The following PFKFB3 variants were observed in gnomAD, a reference collection of about 807,000 sequenced individuals.
PFKFB3 encodes 6-phosphofructo-2-kinase/fructose-2,6-bisphosphatase 3.
A neutral mutation model predicts 68.0 loss-of-function variants in PFKFB3; 33 were observed. The observed-to-expected ratio is 0.49, with a 90% CI of 0.37 to 0.65. The LOEUF (loss-of-function observed/expected upper bound fraction) is 0.65. Among genes scored for constraint, PFKFB3 ranks in the 30% least tolerant of loss-of-function variants. The pLI, the probability that PFKFB3 is intolerant of heterozygous loss-of-function variation, is 0.00. For missense variants in PFKFB3, 586 were observed against 712.2 expected (o/e 0.82, Z 2.02); for synonymous variants, 315 against 288.2 (o/e 1.09, Z -0.94).
Position 6,226,365 on chromosome 10 carries a change from A to G in PFKFB3, c.1515A>G (p.Gln505=). ...PPEVPTQLPG[Q]NMKGSRSSAD... ...AGGTGCCCACGCAGCTGCCTGGACA[A>G]GTCAGTGCACTCCCCTTTCCTTCCT... The change falls in exon 14 of 15, where the codon CAA becomes CAG. Residue 505 remains glutamine (Q), a splice_region_variant and synonymous_variant. Coordinates refer to ENST00000379775, the MANE Select transcript of PFKFB3 (RefSeq NM_004566.4). 6.2e-7 allele frequency: 1 copy of G among 1,609,248 alleles called. No individual in the cohort carries two copies. Among genetic ancestry groups the G allele is most frequent in the Non-Finnish European group, 8.5e-7 (1 of 1,178,216 alleles).
the PFKFB3 span, among the ~76,000 whole-genome samples, chr10:6,309,891 A>T: frequency 2.6e-5 from 4 of 152,252 alleles, no homozygotes; most frequent in South Asian, 2.1e-4. Flanking sequence ...AACATTTTTT[A>T]AAAATGTGTC....
At chr10:6,226,019 C>A (rs1564640221) in intron 13 of PFKFB3, among the ~76,000 whole-genome samples, 173 bp from the exon 14 acceptor site, 1 of 152,184 alleles carries the variant, frequency 6.6e-6, no homozygotes, top group Non-Finnish European at 1.5e-5. Flanking sequence ...TGCTGCCTGG[C>A]AGTCACCGCA....
chr10:6,290,091 A>G, the PFKFB3 span, among the ~76,000 whole-genome samples: 1 of 152,138 alleles, frequency 6.6e-6, no homozygotes, highest in African/African-American at 2.4e-5. Context: ...TTATCAGCTT[A>G]AGGAGATTTT....
the PFKFB3 span, among the ~76,000 whole-genome samples, chr10:6,312,241 AAC>A: frequency 6.6e-6 from 1 of 152,202 alleles, no homozygotes; most frequent in Non-Finnish European, 1.5e-5. Context: ...TTCGGTAAAG[AAC>A]ACAGAGGTAG....
the PFKFB3 span, among the ~76,000 whole-genome samples, chr10:6,291,734 G>A: frequency 1.3e-5 from 2 of 152,092 alleles, no homozygotes; most frequent in Admixed American, 6.5e-5. Flanking sequence ...ACTGCTCTGG[G>A]CTAGTGTACA....
At position 6,233,129 on chromosome 10, in the gene PFKFB3, A is replaced by G; in HGVS notation, c.*187A>G. The G allele has an allele frequency of 5.2e-6, 3 of 575,882 alleles. No homozygotes were observed. Among genetic ancestry groups the G allele is most frequent in the Admixed American group, 3.0e-5 (1 of 33,818 alleles). The allele number at this position is 575,882 out of a possible 1,614,324, so 35.7% of individuals were successfully genotyped here. On this transcript the variant is annotated 3_prime_UTR_variant, in exon 15 of 15. Coordinates refer to ENST00000379775, the MANE Select transcript of PFKFB3 (RefSeq NM_004566.4). ...TCCCCTCGGCCGCTGGACACCAGAA[A>G]GCCACGTGGGTCCCTGGCGCCCTGC...
intron 1 of PFKFB3, among the ~76,000 whole-genome samples, chr10:6,193,154 G>A (rs1843078363): frequency 6.6e-6 from 1 of 152,170 alleles, no homozygotes; most frequent in South Asian, 2.1e-4. Context: ...AGACCAGCCT[G>A]GGCAGCATAA....
intron 10 of PFKFB3, 44 bp downstream of exon 10, chr10:6,221,789 AC>A: frequency 7.5e-7 from 1 of 1,339,474 alleles, no homozygotes; most frequent in Non-Finnish European, 1.0e-6. Flanking sequence ...AGCACACATG[AC>A]CACTGCTGTG....
At chr10:6,227,658 C>T (rs996803864) in intron 14 of PFKFB3, among the ~76,000 whole-genome samples, 9 of 152,290 alleles carry the variant, frequency 5.9e-5, no homozygotes, top group East Asian at 3.9e-4. Context: ...CTGTGATTAG[C>T]GGAAGCCTGG....
Position 6,215,909 on chromosome 10 carries a change from T to G in PFKFB3, c.300-216T>G, listed in dbSNP as rs2148291. ...GAGTGGTTCCCGCGTGCAGCCCGGTTTGAGCACCGCCTCCCGAGGGTTCCT... is the reference window on the plus strand; with the variant it reads ...GAGTGGTTCCCGCGTGCAGCCCGGTGTGAGCACCGCCTCCCGAGGGTTCCT... On this transcript the variant is annotated intron_variant, in intron 3 of 14. Transcript: ENST00000379775. This position sits in a 1 kb window ranked among gnomAD's most constrained non-coding sequence, Gnocchi z 4.3. Among the ~76,000 whole-genome samples the G allele has an allele frequency of 0.88, 133,844 of 152,044 alleles. 60,991 individuals are homozygous for G. Among genetic ancestry groups the G allele is most frequent in the East Asian group, 1 (5,152 of 5,154 alleles).
At chr10:6,207,614 A>AG (rs1169339839) in intron 1 of PFKFB3, among the ~76,000 whole-genome samples, 5 of 152,216 alleles carry the variant, frequency 3.3e-5, no homozygotes, top group African/African-American at 4.8e-5. Flanking sequence ...ATTGCTGAAG[A>AG]GGGTGTCTAG....
At chr10:6,241,127 G>A (rs1358847249) in intron 14 of PFKFB3, among the ~76,000 whole-genome samples, 5 of 151,872 alleles carry the variant, frequency 3.3e-5, no homozygotes, top group East Asian at 1.9e-4. Flanking sequence ...GGCTGGTCTC[G>A]AACTCCTGAC....
At chr10:6,207,088 G>C (rs1368803901) in intron 1 of PFKFB3, among the ~76,000 whole-genome samples, 1 of 151,912 alleles carries the variant, frequency 6.6e-6, no homozygotes, top group Non-Finnish European at 1.5e-5. Context: ...AAGGCAGGCG[G>C]CTGGGAGGTG....
intron 14 of PFKFB3, among the ~76,000 whole-genome samples, chr10:6,247,277 C>A (rs1056765739): frequency 2.0e-5 from 3 of 152,166 alleles, no homozygotes; most frequent in African/African-American, 7.2e-5. Context: ...GCCAAAATTT[C>A]TTTTATGTTT....
At chr10:6,176,038 G>A (rs139307889) in intron 1 of PFKFB3, among the ~76,000 whole-genome samples, 6 of 152,356 alleles carry the variant, frequency 3.9e-5, no homozygotes, top group Admixed American at 1.3e-4. Flanking sequence ...GCACCCCAAC[G>A]GGTGAGAGCC....
the PFKFB3 span, among the ~76,000 whole-genome samples, chr10:6,323,153 A>C: frequency 7.9e-5 from 12 of 152,360 alleles, no homozygotes; most frequent in South Asian, 2.3e-3. Context: ...AACCCATTGG[A>C]TATATCTGTA....
intron 14 of PFKFB3, among the ~76,000 whole-genome samples, chr10:6,249,770 TA>T (rs1846337500): frequency 6.6e-6 from 1 of 152,112 alleles, no homozygotes; most frequent in Non-Finnish European, 1.5e-5. Context: ...TGTGATATTG[TA>T]CAGCATGGTG....
At chr10:6,251,566 G>C (rs1846381980) in intron 14 of PFKFB3, among the ~76,000 whole-genome samples, 1 of 152,202 alleles carries the variant, frequency 6.6e-6, no homozygotes, top group African/African-American at 2.4e-5. Context: ...AGATGAATTG[G>C]TGTGTGGGGA....
intron 1 of PFKFB3, among the ~76,000 whole-genome samples, chr10:6,192,288 C>T (rs1843046927): frequency 6.6e-6 from 1 of 152,012 alleles, no homozygotes; most frequent in South Asian, 2.1e-4. Flanking sequence ...TTGATCCAGC[C>T]CAGCCTGGAG....
Sources: gnomAD v4.1 joint callset for allele counts (sites outside exome capture counted in the v4.1 genomes callset) on GRCh38, gnomAD v4.1.1 for gene constraint, Gnocchi (gnomAD v3.1) non-coding constraint, MANE v1.5 for transcripts, NCBI Gene and HGNC (gene_info 2026-07-23, HGNC 2026-07-21) for gene names.